The following CAMK2D variants were observed in gnomAD, a reference collection of about 807,000 sequenced individuals.
CAMK2D encodes calcium/calmodulin-dependent protein kinase type II subunit delta.
Under a neutral mutation model 84.0 loss-of-function variants are expected in CAMK2D, and 37 were observed. The observed-to-expected ratio is 0.44, with a 90% CI of 0.34 to 0.58. CAMK2D has a LOEUF of 0.58. Among genes scored for constraint, CAMK2D ranks in the 20% least tolerant of loss-of-function variants. The probability of loss-of-function intolerance (pLI) is 0.02; values close to 1 mark genes in which losing one functional copy is unlikely to be tolerated. For missense variants in CAMK2D, 448 were observed against 652.5 expected (o/e 0.69, Z 3.41); for synonymous variants, 202 against 212.5 (o/e 0.95, Z 0.43).
At chr4:113,456,119 G>T (rs2097300374) in intron 19 of CAMK2D, among the ~76,000 whole-genome samples, 1 of 152,162 alleles carries the variant, frequency 6.6e-6, no homozygotes, top group Non-Finnish European at 1.5e-5. Context: ...TTTTGTCCCT[G>T]TTGACCCACT....
chr4:113,613,953 T>C (rs2154270147), intron 3 of CAMK2D, among the ~76,000 whole-genome samples: 1 of 151,162 alleles, frequency 6.6e-6, no homozygotes, highest in Non-Finnish European at 1.5e-5. Context: ...GGGAAAAGAG[T>C]AGGAAAATTA....
intron 16 of CAMK2D, among the ~76,000 whole-genome samples, chr4:113,482,826 T>C (rs1311630635): frequency 2.0e-5 from 3 of 152,232 alleles, no homozygotes; most frequent in African/African-American, 7.2e-5. Flanking sequence ...GTCACATATA[T>C]GTAATCAGTG....
intron 2 of CAMK2D, among the ~76,000 whole-genome samples, chr4:113,739,386 T>G (rs994213204): frequency 2.0e-5 from 3 of 152,130 alleles, no homozygotes; most frequent in Non-Finnish European, 4.4e-5. Context: ...GCCAGTGTCA[T>G]AGGCTGTGGG....
At position 113,609,201 on chromosome 4, in the gene CAMK2D, G is replaced by T; in HGVS notation, c.226C>A (p.Leu76Ile). 6.4e-7 allele frequency: 1 copy of T among 1,573,934 alleles called. No individual in the cohort carries two copies. Among genetic ancestry groups the T allele is most frequent in the Non-Finnish European group, 8.7e-7 (1 of 1,143,834 alleles). The change falls in exon 4 of 21, where the codon CTT (leucine) becomes ATT (isoleucine). Residue 76 changes from leucine to isoleucine, a missense_variant. By Grantham distance (5) the Leu-to-Ile change is conservative (BLOSUM62 2). Around this residue, in one of 7 missense-constraint regions of CAMK2D, gnomAD observed 46 missense variants for 46.3 expected, o/e 0.99. Coordinates refer to ENST00000511664, the MANE Select transcript of CAMK2D (RefSeq NM_001321571.2). The part of the protein sequence containing the change: ...RLLKHPNIVR[L>I]HDSISEEGFH... ...CCCTCTTCTGATATGCTATCATGAA[G>T]TCGCACTAGAAAAAAATAAGAGAAG... is the stretch of plus-strand genomic sequence containing the variant.
chr4:113,452,007 T>C lies in CAMK2D; in HGVS notation c.*2538A>G, dbSNP rs1358318532. On this transcript the variant is annotated 3_prime_UTR_variant, in exon 21 of 21. Coordinates refer to ENST00000511664, the MANE Select transcript of CAMK2D (RefSeq NM_001321571.2). ...GGCATGTGAGCAAGTGTGATGTTTT[T>C]AGCAAATCAAAAGAAGCTGAGCATC... 1.3e-5 allele frequency: 2 copies of C among 152,090 alleles called. No homozygotes were observed. Among genetic ancestry groups the C allele is most frequent in the Non-Finnish European group, 2.9e-5 (2 of 68,028 alleles). 9.4% of individuals were successfully genotyped at this position (152,090 alleles called of 1,614,324 possible).
In CAMK2D at chr4:113,453,303, A is replaced by G. The variant is rs936408955; in HGVS notation, c.*1242T>C. 6.6e-6 allele frequency: 1 copy of G among 152,182 alleles called. No individual in the cohort carries two copies. Among genetic ancestry groups the G allele is most frequent in the African/African-American group, 2.4e-5 (1 of 41,436 alleles). The allele number at this position is 152,182 out of a possible 1,614,324, so 9.4% of individuals were successfully genotyped here. A position where few individuals can be genotyped will look rare whatever the true frequency, so the allele number is the denominator to read the frequency against. On this transcript the variant is annotated 3_prime_UTR_variant, in exon 21 of 21. Coordinates refer to ENST00000511664, the MANE Select transcript of CAMK2D (RefSeq NM_001321571.2). ...GCAAACATTTGTAAGCCTCTCTAAC[A>G]CTAGAAAACTAGCTAGTGATGATGC...
In CAMK2D at chr4:113,552,069, G is replaced by A. The variant is rs1229621369; in HGVS notation, c.303C>T (p.Asp101=). ...DLVTGGELFE[D]IVAREYYSEA... is the part of the protein sequence containing the mutation. ...CACTGTAGTATTCTCTTGCCACTAT[G>A]TCTTCAAACAGTTCACCTCCAGTAA... is the stretch of plus-strand genomic sequence containing the variant. Residue 101 remains aspartate (D), a synonymous_variant, in exon 5 of 21, where the codon GAC becomes GAT. Transcript: ENST00000511664. 1.3e-6 allele frequency: 2 copies of A among 1,592,866 alleles called. No individual in the cohort carries two copies. Among genetic ancestry groups the A allele is most frequent in the Non-Finnish European group, 1.7e-6 (2 of 1,164,056 alleles).
At position 113,517,552 on chromosome 4, in the gene CAMK2D, T is replaced by A. The variant is rs768901289; in HGVS notation, c.696+11A>T. ...CCTTCATCTAAAGTGATATAAATAGTTATTACATACATCATAAGCTCCAGC... is the reference window on the plus strand; with the variant it reads ...CCTTCATCTAAAGTGATATAAATAGATATTACATACATCATAAGCTCCAGC... On this transcript the variant is annotated intron_variant, in intron 9 of 20. Transcript: ENST00000511664. 2 of 1,339,678 alleles carry A rather than the reference T, an allele frequency of 1.5e-6. No individual in the cohort carries two copies. Among genetic ancestry groups the A allele is most frequent in the Admixed American group, 3.5e-5 (2 of 57,300 alleles). The allele number at this position is 1,339,678 out of a possible 1,614,324, so 83.0% of individuals were successfully genotyped here.
At chr4:113,574,070 C>T (rs890502697) in intron 4 of CAMK2D, among the ~76,000 whole-genome samples, 3 of 152,192 alleles carry the variant, frequency 2.0e-5, no homozygotes, top group African/African-American at 7.2e-5. Context: ...ATCACAACTC[C>T]TACCCGTGCA....
At chr4:113,665,368 TAG>T (rs2099253360) in intron 2 of CAMK2D, among the ~76,000 whole-genome samples, 1 of 152,228 alleles carries the variant, frequency 6.6e-6, no homozygotes, top group Non-Finnish European at 1.5e-5. Flanking sequence ...ACCTGACTTT[TAG>T]AGAGAGTAGG....
At chr4:113,619,234 T>G (rs76173104) in intron 3 of CAMK2D, among the ~76,000 whole-genome samples, 3 of 151,628 alleles carry the variant, frequency 2.0e-5, no homozygotes, top group Non-Finnish European at 4.4e-5. Context: ...CATACATATA[T>G]AGAAAATCTG....
intron 4 of CAMK2D, among the ~76,000 whole-genome samples, chr4:113,563,270 C>T (rs773995922): frequency 7.9e-5 from 12 of 151,918 alleles, no homozygotes; most frequent in Non-Finnish European, 1.6e-4. Flanking sequence ...AACAAAAAAA[C>T]AAAATAAAAT....
At chr4:113,686,185 G>C (rs2099359312) in intron 2 of CAMK2D, among the ~76,000 whole-genome samples, 1 of 152,052 alleles carries the variant, frequency 6.6e-6, no homozygotes, top group South Asian at 2.1e-4. Flanking sequence ...TGAAAGAAAT[G>C]GGAAGAAATT....
intron 4 of CAMK2D, among the ~76,000 whole-genome samples, chr4:113,603,107 T>TGTGCCTAGCATGGTTTCTAG (rs1440850216): frequency 4.6e-4 from 70 of 152,186 alleles, no homozygotes; most frequent in African/African-American, 1.6e-3. Flanking sequence ...GCCGCTGAGG[T>TGTGCCTAGCATGGTTTCTAG]GTGCCTAGAA....
At chr4:113,608,233 T>C (rs546440528) in intron 4 of CAMK2D, among the ~76,000 whole-genome samples, 1 of 152,328 alleles carries the variant, frequency 6.6e-6, no homozygotes, top group South Asian at 2.1e-4. Context: ...TTCTTAATGA[T>C]ATCATTGAAG....
At chr4:113,487,431 T>C in intron 16 of CAMK2D, among the ~76,000 whole-genome samples, 1 of 152,108 alleles carries the variant, frequency 6.6e-6, no homozygotes, top group East Asian at 1.9e-4. Flanking sequence ...ATTATTTCAC[T>C]CAAGCAATTA....
At chr4:113,516,165 C>T (rs2098280992) in intron 9 of CAMK2D, among the ~76,000 whole-genome samples, 1 of 152,116 alleles carries the variant, frequency 6.6e-6, no homozygotes, top group South Asian at 2.1e-4. Flanking sequence ...ACTTGTGACT[C>T]ACTGGCATAA....
intron 2 of CAMK2D, among the ~76,000 whole-genome samples, chr4:113,738,005 T>C (rs548872620): frequency 3.3e-4 from 51 of 152,248 alleles, no homozygotes; most frequent in Middle Eastern, 3.4e-3. Context: ...CCTAAGACAA[T>C]GTGCCTTTCA....
rs185951564 is a variant in CAMK2D, at chr4:113,756,624, A to G, written c.160+2696T>C. On this transcript the variant is annotated intron_variant, in intron 2 of 20. Transcript: ENST00000511664. ...TGTTATTAAAAGACTTCATAGGTTA[A>G]GACATATCCTCTTAATATACTACTT... 2.7e-3 allele frequency among the ~76,000 whole-genome samples: 409 copies of G among 152,202 alleles called. 1 individual carries two copies. Among genetic ancestry groups the G allele is most frequent in the African/African-American group, 9.1e-3 (378 of 41,550 alleles).
Sources: allele counts gnomAD v4.1 joint callset (sites outside exome capture counted in the v4.1 genomes callset), GRCh38; gene constraint gnomAD v4.1.1; regional missense constraint gnomAD v4.1.1; transcripts MANE v1.5; gene names NCBI Gene and HGNC (gene_info 2026-07-23, HGNC 2026-07-21).